CMC1: variants seen among roughly 807,000 people sequenced by gnomAD.
CMC1 encodes COX assembly mitochondrial protein homolog.
CMC1 carries 14 observed loss-of-function variants against 14.1 expected under a neutral mutation model. The ratio of observed to expected loss-of-function variants is 0.99; its 90% CI spans 0.66 to 1.55. CMC1 has a LOEUF of 1.55. Among genes scored for constraint, CMC1 ranks in the 40% most tolerant of loss-of-function variants. The probability of loss-of-function intolerance (pLI) is 0.00; values close to 1 mark genes in which losing one functional copy is unlikely to be tolerated. For synonymous variants in CMC1, 50 were observed against 38.4 expected (o/e 1.30, Z -1.12); for missense variants, 127 against 123.8 (o/e 1.03, Z -0.12).
rs1265139321 is a variant in CMC1, at chr3:28,274,206, G to GTT, written c.109+10830_109+10831dup. Reference sequence around the variant, plus strand: ...GTGTCATTGGTCTTTGTACTAAAGTGTTTTTGTTTTTTTCTTTTTTTTTTT... The same window carrying GTT: ...GTGTCATTGGTCTTTGTACTAAAGTGTTTTTTTGTTTTTTTCTTTTTTTTTTT... On this transcript the variant is annotated intron_variant, in intron 2 of 3. Coordinates refer to ENST00000466830, the MANE Select transcript of CMC1 (RefSeq NM_182523.2). Among the ~76,000 whole-genome samples, 54 of 83,056 alleles carry GTT rather than the reference G, an allele frequency of 6.5e-4. 2 individuals are homozygous for GTT. Among genetic ancestry groups the GTT allele is most frequent in the South Asian group, 1.9e-3 (5 of 2,676 alleles). The allele number at this position is 83,056 out of a possible 152,430, so 54.5% of individuals were successfully genotyped here.
chr3:28,281,234 G>A (rs1700878014), intron 2 of CMC1, among the ~76,000 whole-genome samples: 1 of 152,202 alleles, frequency 6.6e-6, no homozygotes, highest in Non-Finnish European at 1.5e-5. Flanking sequence ...TTGAGTTTAA[G>A]TATGGCAGGG....
intron 2 of CMC1, among the ~76,000 whole-genome samples, chr3:28,301,516 C>T (rs1468044542): frequency 1.3e-5 from 2 of 152,056 alleles, no homozygotes; most frequent in African/African-American, 2.4e-5. Context: ...CCACTGCACT[C>T]GGCTTACTGA....
intron 2 of CMC1, chr3:28,314,958 A>G (rs1306185569): frequency 1.3e-5 from 2 of 152,212 alleles, no homozygotes; most frequent in Non-Finnish European, 2.9e-5. Context: ...AATCTTGATT[A>G]TTTTGTATTT....
At chr3:28,241,948 C>T in intron 1 of CMC1, 136 bp downstream of exon 1, 1 of 907,166 alleles carries the variant, frequency 1.1e-6, no homozygotes, top group African/African-American at 1.7e-5. Flanking sequence ...CTCCTCATAC[C>T]CGGCGGCTGC....
intron 2 of CMC1, among the ~76,000 whole-genome samples, chr3:28,290,515 A>T (rs577816090): frequency 6.6e-6 from 1 of 152,242 alleles, no homozygotes; most frequent in East Asian, 1.9e-4. Context: ...CCTTGCAATC[A>T]TCCTACCATA....
Position 28,319,541 on chromosome 3 carries a change from A to G in CMC1, c.233A>G (p.Lys78Arg). ...GATCCAGCCTTTTATGAAGAATGCA[A>G]AATGGAATACCTGAAGGAAAGGGAA... ...YNDPAFYEECKMEYLKEREEF... is the reference protein window; with the variant it reads ...YNDPAFYEECRMEYLKEREEF... The change falls in exon 4 of 4, where the codon AAA becomes AGA. Residue 78 changes from lysine to arginine, a missense_variant. Coordinates refer to ENST00000466830, the MANE Select transcript of CMC1 (RefSeq NM_182523.2). 12 of 1,606,296 alleles carry G rather than the reference A, an allele frequency of 7.5e-6. No individual in the cohort carries two copies. Among genetic ancestry groups the G allele is most frequent in the Non-Finnish European group, 8.5e-6 (10 of 1,174,984 alleles).
intron 2 of CMC1, among the ~76,000 whole-genome samples, chr3:28,297,645 T>G (rs1366990600): frequency 6.6e-6 from 1 of 152,084 alleles, no homozygotes; most frequent in Admixed American, 6.6e-5. Context: ...CGCAGACATG[T>G]TTTGTTTTTC....
rs572929488 is a variant in CMC1 at position 28,244,291 on chromosome 3, G to A, written c.19+2479G>A. On this transcript the variant is annotated intron_variant, in intron 1 of 3. Transcript: ENST00000466830. The stretch of plus-strand genomic sequence containing the variant: ...GGTCATAAGTGGAAGAAGGGAGACA[G>A]GTTAAGGGATAGGAGCAGTAGTCCA... 2.6e-4 allele frequency among the ~76,000 whole-genome samples: 39 copies of A among 152,302 alleles called. No individual in the cohort carries two copies. In the South Asian group the frequency reaches 8.1e-3, roughly 32 times the overall value.
chr3:28,315,230 T>C (rs1310718783), intron 2 of CMC1: 9 of 152,060 alleles, frequency 5.9e-5, no homozygotes, highest in Admixed American at 5.9e-4. Flanking sequence ...CAGGACTGAG[T>C]CTGACCCAAA....
intron 2 of CMC1, among the ~76,000 whole-genome samples, chr3:28,309,494 C>CATAAATA (rs1446403876): frequency 2.0e-5 from 3 of 152,104 alleles, no homozygotes; most frequent in African/African-American, 7.2e-5. Context: ...CTATTACACT[C>CATAAATA]ATAAATAACT....
intron 1 of CMC1, among the ~76,000 whole-genome samples, chr3:28,256,203 A>C (rs536496209): frequency 2.0e-5 from 3 of 148,904 alleles, no homozygotes; most frequent in Non-Finnish European, 4.5e-5. Flanking sequence ...GTGTGTGTGT[A>C]TATATATATA....
At chr3:28,265,902 T>C (rs1034772650) in intron 2 of CMC1, among the ~76,000 whole-genome samples, 1 of 152,186 alleles carries the variant, frequency 6.6e-6, no homozygotes, top group Non-Finnish European at 1.5e-5. Context: ...CACTTGGTGC[T>C]CACAGCTATA....
chr3:28,305,848 G>A (rs1702281321), intron 2 of CMC1, among the ~76,000 whole-genome samples: 1 of 113,004 alleles, frequency 8.8e-6, no homozygotes, highest in African/African-American at 3.6e-5. Context: ...CAGCGATCTT[G>A]AGTTAATTTT....
At chr3:28,317,019 A>G (rs1228987239) in intron 3 of CMC1, 1 of 152,102 alleles carries the variant, frequency 6.6e-6, no homozygotes, top group African/African-American at 2.4e-5. Context: ...TATTGCCCAC[A>G]TTATTGACAG....
In CMC1 at chr3:28,316,442, G is replaced by A. The variant is rs756738866; in HGVS notation, c.200+19G>A. On this transcript the variant is annotated intron_variant, in intron 3 of 3. Coordinates refer to ENST00000466830, the MANE Select transcript of CMC1 (RefSeq NM_182523.2). ...CTGCTTAGTAAGTAGTTGTCTCAGCGTTTGTGCTTGTATGTGTATTTGTGG... is the reference window on the plus strand; with the variant it reads ...CTGCTTAGTAAGTAGTTGTCTCAGCATTTGTGCTTGTATGTGTATTTGTGG... 1.1e-5 allele frequency: 16 copies of A among 1,414,458 alleles called. No homozygotes were observed. Among genetic ancestry groups the A allele is most frequent in the African/African-American group, 5.7e-5 (4 of 69,592 alleles). The allele number at this position is 1,414,458 out of a possible 1,614,324, so 87.6% of individuals were successfully genotyped here. A position where few individuals can be genotyped will look rare whatever the true frequency, so the allele number is the denominator to read the frequency against.
chr3:28,292,234 G>A (rs1024798337), intron 2 of CMC1, among the ~76,000 whole-genome samples: 1 of 152,004 alleles, frequency 6.6e-6, no homozygotes, highest in Non-Finnish European at 1.5e-5. Context: ...TGGCATAGGG[G>A]CAGCTAGCCA....
intron 1 of CMC1, chr3:28,253,746 C>G (rs1316606249): frequency 1.6e-6 from 2 of 1,286,126 alleles, no homozygotes; most frequent in Non-Finnish European, 2.0e-6. Flanking sequence ...ACAGTAGCAC[C>G]AAACTGTCTT....
chr3:28,269,229 A>G (rs565136712), intron 2 of CMC1, among the ~76,000 whole-genome samples: 1 of 152,318 alleles, frequency 6.6e-6, no homozygotes, highest in Non-Finnish European at 1.5e-5. Context: ...GGACTACTGT[A>G]TAATGGTTAT....
rs1336740447 is a variant in CMC1, at chr3:28,321,093, A to G, written c.*1464A>G. On this transcript the variant is annotated 3_prime_UTR_variant, in exon 4 of 4. Transcript: ENST00000466830. Reference sequence around the variant, plus strand: ...CAAAAAACTATTTTACTTTTATTTGAAATACAAAGAAACCACATTTTCCCA... The same window carrying G: ...CAAAAAACTATTTTACTTTTATTTGGAATACAAAGAAACCACATTTTCCCA... 1 of 151,352 alleles carries G rather than the reference A, an allele frequency of 6.6e-6. No individual in the cohort carries two copies. The highest frequency in any genetic ancestry group is 1.9e-4 in the East Asian group (1 of 5,154). The allele number at this position is 151,352 out of a possible 1,614,324, so 9.4% of individuals were successfully genotyped here. A position where few individuals can be genotyped will look rare whatever the true frequency, so the allele number is the denominator to read the frequency against.
Sources: gnomAD v4.1 joint callset for allele counts (sites outside exome capture counted in the v4.1 genomes callset) on GRCh38, gnomAD v4.1.1 for gene constraint, MANE v1.5 for transcripts, NCBI Gene and HGNC (gene_info 2026-07-23, HGNC 2026-07-21) for gene names.